The following CMTM4 variants were observed in gnomAD, a reference collection of about 807,000 sequenced individuals.
The protein encoded by CMTM4 is CKLF like MARVEL transmembrane domain containing 4, also known as CKLF-like MARVEL transmembrane domain-containing protein 4.
Under a neutral mutation model 19.0 loss-of-function variants are expected in CMTM4, and 8 were observed. That is an observed-to-expected ratio of 0.42 (90% confidence interval 0.25 to 0.76). CMTM4 has a LOEUF of 0.76. Ranked by LOEUF, CMTM4 falls within the 30% of genes least tolerant of loss-of-function variation. The probability of loss-of-function intolerance (pLI) is 0.27; values close to 1 mark genes in which losing one functional copy is unlikely to be tolerated. For synonymous variants in CMTM4, 106 were observed against 121.1 expected (o/e 0.88, Z 0.82); for missense variants, 228 against 290.2 (o/e 0.79, Z 1.56).
chr16:66,682,115 C>CA (rs1345064346), intron 1 of CMTM4, among the ~76,000 whole-genome samples: 3 of 152,276 alleles, frequency 2.0e-5, no homozygotes, highest in Middle Eastern at 3.4e-3. Flanking sequence ...TCTTTGGAGG[C>CA]AGAGATTTTT....
At chr16:66,669,236 C>T in intron 1 of CMTM4, among the ~76,000 whole-genome samples, 1 of 152,038 alleles carries the variant, frequency 6.6e-6, no homozygotes. Context: ...AAAGTACATA[C>T]TTATGATTCC....
At chr16:66,665,694 T>C (rs970854475) in intron 1 of CMTM4, among the ~76,000 whole-genome samples, 1 of 151,686 alleles carries the variant, frequency 6.6e-6, no homozygotes, top group Non-Finnish European at 1.5e-5. Flanking sequence ...GAGAATCACT[T>C]GAACCCAGGA....
At chr16:66,644,660 A>C (rs532039709) in intron 1 of CMTM4, among the ~76,000 whole-genome samples, 2 of 152,262 alleles carry the variant, frequency 1.3e-5, no homozygotes, top group African/African-American at 4.8e-5. Flanking sequence ...TTGGACAATG[A>C]GGTGTGAGTG....
At chr16:66,610,355 G>A (rs1017229653), downstream of CMTM4, among the ~76,000 whole-genome samples, 1 of 152,166 alleles carries the variant, frequency 6.6e-6, no homozygotes, top group African/African-American at 2.4e-5. This position sits in a 1 kb window ranked among gnomAD's most constrained non-coding sequence, Gnocchi z 4.6. Flanking sequence ...CCCCTCTGCT[G>A]TCTTACCCAT....
Position 66,621,857 on chromosome 16 carries a change from C to G in CMTM4, c.*201G>C. On this transcript the variant is annotated 3_prime_UTR_variant, in exon 4 of 4. Coordinates refer to ENST00000394106, the MANE Select transcript of CMTM4 (RefSeq NM_181521.3). ...AGTGACGCCGGCTGCTCCACAGCCC[C>G]AAACGCTGAGGAACGTGGGCCTCCC... 2.1e-6 allele frequency: 3 copies of G among 1,415,244 alleles called. No homozygotes were observed. Among genetic ancestry groups the G allele is most frequent in the Non-Finnish European group, 2.8e-6 (3 of 1,087,086 alleles). 87.7% of individuals were successfully genotyped at this position (1,415,244 alleles called of 1,614,324 possible).
intron 1 of CMTM4, among the ~76,000 whole-genome samples, chr16:66,659,877 T>C (rs780996684): frequency 6.6e-6 from 1 of 152,232 alleles, no homozygotes; most frequent in Non-Finnish European, 1.5e-5. Context: ...TCTTTACTAG[T>C]GTATGTCTGA....
chr16:66,611,456 A>T (rs1475153285), downstream of CMTM4, among the ~76,000 whole-genome samples: 1 of 152,062 alleles, frequency 6.6e-6, no homozygotes. Context: ...CTCGGGGGGA[A>T]AAAATTGAAT....
rs2015607715 is a variant in CMTM4 at position 66,620,368 on chromosome 16, A to C, written c.*1690T>G. On this transcript the variant is annotated 3_prime_UTR_variant, in exon 4 of 4. Transcript: ENST00000394106. ...GAGTTGTTAACAGGCTAGCAGGGTCAGCCCCTGAGGCAGACGTGGTGCTCA... is the reference window on the plus strand; with the variant it reads ...GAGTTGTTAACAGGCTAGCAGGGTCCGCCCCTGAGGCAGACGTGGTGCTCA... 1.0e-6 allele frequency: 1 copy of C among 985,404 alleles called. No individual in the cohort carries two copies. The highest frequency in any genetic ancestry group is 1.7e-5 in the African/African-American group (1 of 57,256). The allele number at this position is 985,404 out of a possible 1,614,324, so 61.0% of individuals were successfully genotyped here. A position where few individuals can be genotyped will look rare whatever the true frequency, so the allele number is the denominator to read the frequency against.
intron 1 of CMTM4, among the ~76,000 whole-genome samples, chr16:66,648,919 C>G (rs1180669047): frequency 1.3e-5 from 2 of 152,116 alleles, no homozygotes; most frequent in Admixed American, 6.5e-5. Flanking sequence ...TTACAGTGAG[C>G]CAAGATCATT....
At chr16:66,623,654 C>T (rs750136787) in intron 2 of CMTM4, 152 bp from the exon 3 acceptor site, 1 of 544,506 alleles carries the variant, frequency 1.8e-6, no homozygotes, top group South Asian at 2.6e-5. Flanking sequence ...ACTGGTCACA[C>T]AAAAGAAGGC....
Position 66,696,531 on chromosome 16 carries a change from C to A in CMTM4, c.-6G>T. On this transcript the variant is annotated 5_prime_UTR_variant, in exon 1 of 4. Transcript: ENST00000394106. The surrounding 1 kb of genome is among the most constrained non-coding windows in gnomAD (Gnocchi z 4.3). ...AGCTCCTCGCCGCTCCGCATGCTGC[C>A]GCCCGGCCCGGGCCGCCTCGCGCGG... The A allele has an allele frequency of 8.4e-7, 1 of 1,190,300 alleles. No individual in the cohort carries two copies. The highest frequency in any genetic ancestry group is 3.6e-5 in the East Asian group (1 of 27,872). The allele number at this position is 1,190,300 out of a possible 1,614,324, so 73.7% of individuals were successfully genotyped here. A position where few individuals can be genotyped will look rare whatever the true frequency, so the allele number is the denominator to read the frequency against.
chr16:66,609,573 C>T, the CMTM4 span: 2 of 1,547,982 alleles, frequency 1.3e-6, no homozygotes, highest in South Asian at 2.3e-5. This position sits in a 1 kb window ranked among gnomAD's most constrained non-coding sequence, Gnocchi z 4.4. Context: ...AGATGCCCCT[C>T]TAGCCCCTCA....
chr16:66,685,810 A>AT (rs1226790841), intron 1 of CMTM4, among the ~76,000 whole-genome samples: 1 of 152,080 alleles, frequency 6.6e-6, no homozygotes, highest in East Asian at 1.9e-4. Flanking sequence ...CACCCGGATA[A>AT]TTTTTTGTAT....
chr16:66,673,509 G>A (rs999150018), intron 1 of CMTM4, among the ~76,000 whole-genome samples: 10 of 151,960 alleles, frequency 6.6e-5, no homozygotes, highest in Admixed American at 4.6e-4. Context: ...CCCGGCCCAC[G>A]TTATACTATT....
intron 2 of CMTM4, among the ~76,000 whole-genome samples, chr16:66,629,471 A>G (rs966315280): frequency 6.6e-6 from 1 of 152,208 alleles, no homozygotes; most frequent in African/African-American, 2.4e-5. Flanking sequence ...ATTTTGCTCT[A>G]CTTTCATGGA....
At chr16:66,668,659 CAG>C (rs2016647629) in intron 1 of CMTM4, among the ~76,000 whole-genome samples, 1 of 152,064 alleles carries the variant, frequency 6.6e-6, no homozygotes, top group African/African-American at 2.4e-5. Context: ...CTGAGGAAAA[CAG>C]ATGACAACAC....
rs576235903 is a variant in CMTM4 at position 66,668,794 on chromosome 16, C to T, written c.186+27546G>A. Reference sequence around the variant, plus strand: ...CCTAATAAAATTAATTTCTCATCTGCGTCAACAAAAAGAATATTACAACAG... The same window carrying T: ...CCTAATAAAATTAATTTCTCATCTGTGTCAACAAAAAGAATATTACAACAG... On this transcript the variant is annotated intron_variant, in intron 1 of 3. Transcript: ENST00000394106. Among the ~76,000 whole-genome samples the T allele has an allele frequency of 4.6e-5, 7 of 151,892 alleles. No individual in the cohort carries two copies. In the South Asian group the frequency reaches 8.3e-4, roughly 18 times the overall value.
chr16:66,644,091 AT>A (rs1303500594), intron 1 of CMTM4, among the ~76,000 whole-genome samples: 1 of 152,152 alleles, frequency 6.6e-6, no homozygotes, highest in African/African-American at 2.4e-5. Flanking sequence ...TTGGAGTTTT[AT>A]GTCTCCCAAT....
chr16:66,678,919 A>G (rs566271379), intron 1 of CMTM4, among the ~76,000 whole-genome samples: 11 of 152,190 alleles, frequency 7.2e-5, no homozygotes, highest in Admixed American at 6.6e-4. Flanking sequence ...CCTGGGCAAC[A>G]TGGCGAAACC....
Sources: allele counts gnomAD v4.1 joint callset (sites outside exome capture counted in the v4.1 genomes callset), GRCh38; gene constraint gnomAD v4.1.1; non-coding constraint Gnocchi (gnomAD v3.1); transcripts MANE v1.5; gene names NCBI Gene and HGNC (gene_info 2026-07-23, HGNC 2026-07-21).